ANKRD30B: variants seen among roughly 807,000 people sequenced by gnomAD.
ANKRD30B encodes ankyrin repeat domain 30B, also known as ankyrin repeat domain-containing protein 30B.
Under a neutral mutation model 202.2 loss-of-function variants are expected in ANKRD30B, and 144 were observed. The ratio of observed to expected loss-of-function variants is 0.71; its 90% CI spans 0.62 to 0.82. The LOEUF (loss-of-function observed/expected upper bound fraction) is 0.82. Among genes scored for constraint, ANKRD30B ranks in the 40% least tolerant of loss-of-function variants. The pLI is 0.00. For missense variants in ANKRD30B, 1,487 were observed against 1,669.1 expected (o/e 0.89, Z 1.90); for synonymous variants, 508 against 561.3 (o/e 0.91, Z 1.34).
the ANKRD30B span, among the ~76,000 whole-genome samples, chr18:14,864,106 G>T: frequency 3.3e-5 from 5 of 152,200 alleles, 1 homozygote; most frequent in African/African-American, 1.2e-4. Flanking sequence ...ACTTTGGAAG[G>T]CAGAGGTGGG....
the ANKRD30B span, among the ~76,000 whole-genome samples, chr18:14,880,970 T>A: frequency 5.6e-4 from 85 of 152,352 alleles, no homozygotes; most frequent in African/African-American, 2.0e-3. Flanking sequence ...TTTTATCAGT[T>A]CTAGGAGCTT....
chr18:14,845,088 T>C (rs1273806830), intron 39 of ANKRD30B, among the ~76,000 whole-genome samples: 2 of 152,004 alleles, frequency 1.3e-5, no homozygotes, highest in Non-Finnish European at 2.9e-5. Flanking sequence ...TGAAGCTCTT[T>C]AGTTTAATTA....
intron 39 of ANKRD30B, among the ~76,000 whole-genome samples, chr18:14,843,659 A>C (rs1050540551): frequency 2.6e-5 from 4 of 151,688 alleles, no homozygotes; most frequent in Non-Finnish European, 4.4e-5. Flanking sequence ...AATTTTTAAA[A>C]ACTGGGAGAA....
At chr18:14,766,493 A>AG (rs1555646769) in intron 7 of ANKRD30B, among the ~76,000 whole-genome samples, 105 of 85,046 alleles carry the variant, frequency 1.2e-3, no homozygotes, top group African/African-American at 3.7e-3. Flanking sequence ...AAAAAAAAAA[A>AG]AAAAGAAAAG....
chr18:14,788,944 G>A (rs191278703), intron 15 of ANKRD30B, among the ~76,000 whole-genome samples: 301 of 152,204 alleles, frequency 2.0e-3, no homozygotes, highest in African/African-American at 7.0e-3. Context: ...GCTATTTCTA[G>A]TTCTAGATCC....
At chr18:14,896,452 AAATCTAAAAATGTTCT>A in the ANKRD30B span, among the ~76,000 whole-genome samples, 1 of 151,800 alleles carries the variant, frequency 6.6e-6, no homozygotes, top group Non-Finnish European at 1.5e-5. Context: ...TTATTTTTTT[AAATCTAAAAATGTTCT>A]AAAATACAAA....
At chr18:14,915,492 G>C in the ANKRD30B span, 3 of 152,204 alleles carry the variant, frequency 2.0e-5, no homozygotes, top group Non-Finnish European at 4.4e-5. Flanking sequence ...AGCCTTATGA[G>C]GACCCATTGC....
At chr18:14,780,662 G>C (rs1040912166) in intron 11 of ANKRD30B, among the ~76,000 whole-genome samples, 4 of 152,208 alleles carry the variant, frequency 2.6e-5, no homozygotes, top group Admixed American at 2.6e-4. Context: ...ATGATTCAGT[G>C]GTATATCTAG....
At chr18:14,922,810 C>T in the ANKRD30B span, among the ~76,000 whole-genome samples, 1 of 152,096 alleles carries the variant, frequency 6.6e-6, no homozygotes, top group Non-Finnish European at 1.5e-5. Flanking sequence ...AGTGCTTGCA[C>T]CACTCCTTGT....
intron 1 of ANKRD30B, among the ~76,000 whole-genome samples, chr18:14,752,042 T>C (rs1404760064): frequency 6.6e-6 from 1 of 152,218 alleles, no homozygotes; most frequent in Non-Finnish European, 1.5e-5. Context: ...ATTAAAATAC[T>C]GTGTTATCTC....
chr18:14,897,481 CT>C, the ANKRD30B span, among the ~76,000 whole-genome samples: 1,764 of 152,062 alleles, frequency 0.012, 18 homozygotes, highest in Middle Eastern at 0.027. Flanking sequence ...ATGCCCGCCC[CT>C]AGCTGTAAAT....
At chr18:14,860,575 G>A in the ANKRD30B span, among the ~76,000 whole-genome samples, 1 of 149,728 alleles carries the variant, frequency 6.7e-6, no homozygotes, top group Non-Finnish European at 1.5e-5. Context: ...CCAGATGATG[G>A]GCTCAAACAA....
At chr18:14,856,532 G>A (rs1389953971), downstream of ANKRD30B, among the ~76,000 whole-genome samples, 31 of 127,358 alleles carry the variant, frequency 2.4e-4, no homozygotes, top group Admixed American at 3.8e-4. Flanking sequence ...CCTCCCAGAT[G>A]ATGGGCAGCC....
At chr18:14,850,736 G>A (rs1971846707) in intron 41 of ANKRD30B, among the ~76,000 whole-genome samples, 1 of 151,806 alleles carries the variant, frequency 6.6e-6, no homozygotes, top group South Asian at 2.1e-4. Context: ...TAGTGTCGTA[G>A]TAAATAAGCT....
intron 30 of ANKRD30B, chr18:14,816,112 A>G (rs574426389): frequency 1.3e-5 from 2 of 152,336 alleles, no homozygotes; most frequent in East Asian, 1.9e-4. Context: ...ATAAATTATT[A>G]TAATGTGTTG....
chr18:14,878,509 G>A, the ANKRD30B span, among the ~76,000 whole-genome samples: 152 of 152,062 alleles, frequency 1.0e-3, no homozygotes, highest in African/African-American at 3.4e-3. Flanking sequence ...GGTGGGAAAA[G>A]CAAGAGGAGG....
the ANKRD30B span, among the ~76,000 whole-genome samples, chr18:14,887,310 C>T: frequency 2.6e-5 from 4 of 152,070 alleles, no homozygotes; most frequent in Admixed American, 2.6e-4. Context: ...AACAGGAAAA[C>T]AACTTTCAGT....
chr18:14,838,318 G>T (rs545505709), intron 36 of ANKRD30B, among the ~76,000 whole-genome samples: 20 of 152,310 alleles, frequency 1.3e-4, no homozygotes, highest in African/African-American at 4.3e-4. Flanking sequence ...AGGAGAAAGA[G>T]TTTAAACTGT....
chr18:14,820,910 A>G (rs1483590192), intron 30 of ANKRD30B, among the ~76,000 whole-genome samples: 53 of 152,076 alleles, frequency 3.5e-4, no homozygotes, highest in African/African-American at 1.2e-3. Context: ...CTCTTTTTCT[A>G]TTGATTGGAA....
Sources: allele counts gnomAD v4.1 joint callset (sites outside exome capture counted in the v4.1 genomes callset), GRCh38; gene constraint gnomAD v4.1.1; transcripts MANE v1.5; gene names NCBI Gene and HGNC (gene_info 2026-07-23, HGNC 2026-07-21).